Variants in VWDE observed in about 807,000 individuals in gnomAD.
The protein encoded by VWDE is von Willebrand factor D and EGF domain-containing protein.
A neutral mutation model predicts 178.4 loss-of-function variants in VWDE; 207 were observed. The ratio of observed to expected loss-of-function variants is 1.16; its 90% CI spans 1.04 to 1.30. The LOEUF (loss-of-function observed/expected upper bound fraction) is 1.30. Among genes scored for constraint, VWDE ranks in the 50% most tolerant of loss-of-function variants. VWDE has a pLI of 0.00. For synonymous variants in VWDE, 738 were observed against 651.4 expected, an observed-to-expected ratio of 1.13 and a Z score of -2.02; for missense variants, 2,287 against 1,901.3, an observed-to-expected ratio of 1.20 and a Z score of -3.77.
At chr7:12,352,896 T>C (rs1782023702) in intron 18 of VWDE, among the ~76,000 whole-genome samples, 1 of 152,226 alleles carries the variant, frequency 6.6e-6, no homozygotes. Flanking sequence ...TTTTTGTCCA[T>C]TTTCCTCTAA....
At chr7:12,374,634 A>G (rs113032034) in intron 9 of VWDE, 55 bp downstream of exon 9, 2 of 1,274,142 alleles carry the variant, frequency 1.6e-6, no homozygotes, top group African/African-American at 3.0e-5. Flanking sequence ...TTAAAATAAA[A>G]CAACAAAATC....
At chr7:12,334,785 C>G (rs73290486) in intron 27 of VWDE, among the ~76,000 whole-genome samples, 1 of 152,178 alleles carries the variant, frequency 6.6e-6, no homozygotes, top group Non-Finnish European at 1.5e-5. Context: ...CATTAATATG[C>G]TTTTAACATC....
rs1253382804 is a variant in VWDE at position 12,344,435 on chromosome 7, C to A, written c.3921G>T (p.Glu1307Asp). 3.9e-6 allele frequency: 6 copies of A among 1,550,524 alleles called. No homozygotes were observed. The East Asian group carries it at 1.2e-4, about 32-fold the overall frequency. Residue 1307 changes from glutamate to aspartate, a missense_variant, in exon 20 of 29, where the codon GAG (glutamate) becomes GAT (aspartate). Transcript: ENST00000275358. The part of the protein sequence containing the change: ...ICKYPCGKSR[E>D]CVAPNICKCK... The stretch of plus-strand genomic sequence containing the variant: ...ATTTGCAGATGTTTGGGGCAACACA[C>A]TCCCTACTTTTTCCACATGGATATT...
chr7:12,377,804 G>C lies in VWDE; in HGVS notation c.996C>G (p.Ile332Met). 6.6e-7 allele frequency: 1 copy of C among 1,513,788 alleles called. No homozygotes were observed. Among genetic ancestry groups the C allele is most frequent in the Non-Finnish European group, 8.9e-7 (1 of 1,124,610 alleles). The allele number at this position is 1,513,788 out of a possible 1,614,324, so 93.8% of individuals were successfully genotyped here. A position where few individuals can be genotyped will look rare whatever the true frequency, so the allele number is the denominator to read the frequency against. The change falls in exon 7 of 29, where the codon ATC becomes ATG. Residue 332 changes from isoleucine (I) to methionine (M), a missense_variant. Coordinates refer to ENST00000275358, the MANE Select transcript of VWDE (RefSeq NM_001135924.3). ...GACCAATAGTTTTCAGTTTTAATGA[G>C]ATTTTGCATTCTTGATCAAGCTCAC... is the stretch of plus-strand genomic sequence containing the variant. ...EFSELDQECK[I>M]SLKLKTIGQG... is the part of the protein sequence containing the mutation.
intron 6 of VWDE, among the ~76,000 whole-genome samples, chr7:12,378,915 G>A (rs115586845): frequency 2.0e-5 from 3 of 152,236 alleles, no homozygotes; most frequent in African/African-American, 4.8e-5. Context: ...CAGGTTCACC[G>A]TGCTTGCCTG....
At chr7:12,379,428 CAT>C (rs1783712528) in intron 6 of VWDE, 47 bp downstream of exon 6, 14 of 1,378,868 alleles carry the variant, frequency 1.0e-5, no homozygotes, top group Non-Finnish European at 1.4e-5. Context: ...GTTTGGGAAA[CAT>C]AGTTCCAGAG....
At position 12,357,400 on chromosome 7, in the gene VWDE, C is replaced by A; in HGVS notation, c.3390G>T (p.Thr1130=). The A allele has an allele frequency of 6.4e-7, 1 of 1,551,914 alleles. No individual in the cohort carries two copies. Among genetic ancestry groups the A allele is most frequent in the Non-Finnish European group, 8.7e-7 (1 of 1,147,060 alleles). The change falls in exon 17 of 29, where the codon ACG becomes ACT. Residue 1130 remains threonine (T), a synonymous_variant. Coordinates refer to ENST00000275358, the MANE Select transcript of VWDE (RefSeq NM_001135924.3). ...TTGCCCCTTCAGGACCAGAGTCCAACGTAAAATGGATGTCAGAACCTTCTG... is the reference window on the plus strand; with the variant it reads ...TTGCCCCTTCAGGACCAGAGTCCAAAGTAAAATGGATGTCAGAACCTTCTG... The part of the protein sequence containing the change: ...FDPEGSDIHF[T]LDSGPEGASV...
chr7:12,373,165 C>T lies in VWDE; in HGVS notation c.1399G>A (p.Asp467Asn). ...RDFEVHVRQW[D>N]CRSLHYPVSC... ...ACTGGATAGTGAAGGCTTCTGCAGT[C>T]CCACTGACGTACATGGACTTCAAAA... Residue 467 changes from aspartate to asparagine, a missense_variant, in exon 10 of 29, where the codon GAC (aspartate) becomes AAC (asparagine). Asp to Asn is a conservative substitution (Grantham distance 23, BLOSUM62 1). Transcript: ENST00000275358. 2 of 1,551,340 alleles carry T rather than the reference C, an allele frequency of 1.3e-6. No homozygotes were observed. Among genetic ancestry groups the T allele is most frequent in the South Asian group, 1.2e-5 (1 of 84,054 alleles).
chr7:12,341,173 C>T (rs947057835), intron 23 of VWDE, among the ~76,000 whole-genome samples: 6 of 151,990 alleles, frequency 3.9e-5, no homozygotes, highest in East Asian at 1.9e-4. Context: ...TAACAATATG[C>T]GACTTGAAAT....
intron 23 of VWDE, among the ~76,000 whole-genome samples, chr7:12,341,061 C>G (rs748888548): frequency 6.6e-5 from 10 of 152,136 alleles, no homozygotes; most frequent in Non-Finnish European, 1.3e-4. Flanking sequence ...TAATTTCTTC[C>G]TTCTCTGCTT....
chr7:12,367,409 C>A lies in VWDE; in HGVS notation c.2846G>T (p.Gly949Val). 1.3e-6 allele frequency: 2 copies of A among 1,546,688 alleles called. No individual in the cohort carries two copies. The highest frequency in any genetic ancestry group is 1.7e-6 in the Non-Finnish European group (2 of 1,144,464). ...TGAAGGTAATTCTTTGAAGCCTTTG[C>A]CAAAAACTCTCACCATCATACAATT... ...KYNCMMVRVF[G>V]KGFKELPSIK... Residue 949 changes from glycine (G) to valine (V), a missense_variant, in exon 13 of 29, where the codon GGC becomes GTC. Gly to Val is a moderately radical substitution (Grantham distance 109). Transcript: ENST00000275358.
rs764676144 is a variant in VWDE, at chr7:12,380,551, C to G, written c.724G>C (p.Glu242Gln). 6.4e-7 allele frequency: 1 copy of G among 1,551,982 alleles called. No homozygotes were observed. Among genetic ancestry groups the G allele is most frequent in the East Asian group, 2.4e-5 (1 of 40,924 alleles). The change falls in exon 5 of 29, where the codon GAG (glutamate) becomes CAG (glutamine). Residue 242 changes from glutamate to glutamine, a missense_variant. Transcript: ENST00000275358. ...SQEVKEELTQETTVQAFSLLE... is the reference protein window; with the variant it reads ...SQEVKEELTQQTTVQAFSLLE... ...AGAGAGAATGCCTGAACTGTGGTCT[C>G]TTGTGTCAGCTCCTCTTTGACTTCT...
intron 5 of VWDE, among the ~76,000 whole-genome samples, chr7:12,380,102 C>CAAAA (rs996069165): frequency 7.8e-6 from 1 of 128,718 alleles, no homozygotes; most frequent in African/African-American, 2.9e-5. Flanking sequence ...GACTCCGCCT[C>CAAAA]AAAAAAAAAA....
Position 12,333,464 on chromosome 7 carries a change from C to A in VWDE, c.4758+1G>T. 2 of 1,529,958 alleles carry A rather than the reference C, an allele frequency of 1.3e-6. No individual in the cohort carries two copies. Among genetic ancestry groups the A allele is most frequent in the Non-Finnish European group, 1.8e-6 (2 of 1,131,034 alleles). 94.8% of individuals were successfully genotyped at this position (1,529,958 alleles called of 1,614,324 possible). On this transcript the variant is annotated splice_donor_variant, in intron 28 of 28. Coordinates refer to ENST00000275358, the MANE Select transcript of VWDE (RefSeq NM_001135924.3). LOFTEE classifies it high-confidence loss of function. ...TATTTTCTCTTTAAACTCTGAAATACCTGTATTTTCTTCTCACATTTGACT... is the reference window on the plus strand; with the variant it reads ...TATTTTCTCTTTAAACTCTGAAATAACTGTATTTTCTTCTCACATTTGACT...
chr7:12,395,265 T>TA (rs1784569801), intron 1 of VWDE, among the ~76,000 whole-genome samples: 1 of 152,176 alleles, frequency 6.6e-6, no homozygotes, highest in South Asian at 2.1e-4. Flanking sequence ...AGAATATCTC[T>TA]AATATCCTTC....
chr7:12,380,849 A>G (rs950078664), intron 4 of VWDE, 116 bp from the exon 5 acceptor site: 9 of 1,201,804 alleles, frequency 7.5e-6, no homozygotes, highest in Non-Finnish European at 1.0e-5. Context: ...AGCAAGCTAA[A>G]TTTAGAAAAA....
At position 12,393,622 on chromosome 7, in the gene VWDE, G is replaced by A; in HGVS notation, c.215C>T (p.Pro72Leu). The stretch of plus-strand genomic sequence containing the variant: ...AACACATTTGGTTGGCATCTCGGCA[G>A]GTCTGTCAAGGATGAGAAATCTATA... ...GWYRFLILDRPAEMPTKCVEM... is the reference protein window; with the variant it reads ...GWYRFLILDRLAEMPTKCVEM... Residue 72 changes from proline to leucine, a missense_variant, in exon 2 of 29, where the codon CCT becomes CTT. Physicochemically the swap from Pro to Leu is moderately conservative, Grantham distance 98 (BLOSUM62 -3). Transcript: ENST00000275358. 3 of 1,550,278 alleles carry A rather than the reference G, an allele frequency of 1.9e-6. No homozygotes were observed. The highest frequency in any genetic ancestry group is 1.2e-5 in the South Asian group (1 of 83,868).
intron 3 of VWDE, among the ~76,000 whole-genome samples, chr7:12,387,128 AGTAT>A (rs1219449346): frequency 2.0e-5 from 3 of 151,444 alleles, no homozygotes; most frequent in African/African-American, 4.8e-5. Flanking sequence ...CCATAAATGT[AGTAT>A]GTATTTCAAA....
At chr7:12,400,012 C>T (rs1403160877) in intron 1 of VWDE, among the ~76,000 whole-genome samples, 1 of 151,940 alleles carries the variant, frequency 6.6e-6, no homozygotes, top group Non-Finnish European at 1.5e-5. Context: ...TTAGAAAATA[C>T]TTGAAGAAAT....
Sources: gnomAD v4.1 joint callset for allele counts (sites outside exome capture counted in the v4.1 genomes callset) on GRCh38, gnomAD v4.1.1 for gene constraint, MANE v1.5 for transcripts, NCBI Gene and HGNC (gene_info 2026-07-23, HGNC 2026-07-21) for gene names.